Variants in GRM8 observed in about 807,000 individuals in gnomAD.
GRM8 encodes glutamate metabotropic receptor 8.
GRM8 carries 47 observed loss-of-function variants against 87.2 expected under a neutral mutation model. The ratio of observed to expected loss-of-function variants is 0.54; its 90% confidence interval spans 0.43 to 0.69. The LOEUF is 0.69. Among genes scored for constraint, GRM8 ranks in the 30% least tolerant of loss-of-function variants. The pLI is 0.00. For synonymous variants in GRM8, 396 were observed against 404.5 expected (o/e 0.98, Z 0.25); for missense variants, 1,019 against 1,139.2 (o/e 0.89, Z 1.52).
At chr7:126,456,040 G>A (rs1052135541) in intron 9 of GRM8, among the ~76,000 whole-genome samples, 1 of 151,426 alleles carries the variant, frequency 6.6e-6, no homozygotes, top group African/African-American at 2.4e-5. Flanking sequence ...ATTCATATAA[G>A]CTAACATTTT....
chr7:126,851,040 T>C (rs963071098), intron 6 of GRM8, among the ~76,000 whole-genome samples: 2 of 152,180 alleles, frequency 1.3e-5, no homozygotes, highest in African/African-American at 4.8e-5. Context: ...AGGCTTTTCA[T>C]ACTGAACATA....
At chr7:126,746,158 T>C (rs771727000) in intron 7 of GRM8, among the ~76,000 whole-genome samples, 3 of 151,790 alleles carry the variant, frequency 2.0e-5, no homozygotes, top group Admixed American at 6.6e-5. Context: ...ATTTAGAAGA[T>C]TCATATGTAT....
At chr7:127,173,286 T>A (rs1463283746) in intron 2 of GRM8, among the ~76,000 whole-genome samples, 1 of 152,090 alleles carries the variant, frequency 6.6e-6, no homozygotes, top group Non-Finnish European at 1.5e-5. Flanking sequence ...TAGCTATTGG[T>A]TATTGGGAAG....
intron 2 of GRM8, among the ~76,000 whole-genome samples, chr7:127,178,621 A>G (rs1473344918): frequency 1.3e-5 from 2 of 152,222 alleles, no homozygotes; most frequent in Non-Finnish European, 1.5e-5. Flanking sequence ...GGTAACCTGT[A>G]AAGAAAAACC....
chr7:127,174,806 C>T (rs561442071), intron 2 of GRM8, among the ~76,000 whole-genome samples: 18 of 152,264 alleles, frequency 1.2e-4, no homozygotes, highest in African/African-American at 4.3e-4. Flanking sequence ...AAGTATCTTA[C>T]CAGTAATCAC....
intron 2 of GRM8, among the ~76,000 whole-genome samples, chr7:127,236,037 TG>T (rs1395205282): frequency 1.3e-5 from 2 of 152,250 alleles, no homozygotes; most frequent in African/African-American, 4.8e-5. Context: ...ACTTTATTTT[TG>T]ATTGACAATT....
intron 3 of GRM8, among the ~76,000 whole-genome samples, chr7:127,021,471 C>A (rs1404609671): frequency 6.6e-6 from 1 of 151,898 alleles, no homozygotes; most frequent in Non-Finnish European, 1.5e-5. Context: ...TAATTTCCAG[C>A]AATTTAACTA....
intron 3 of GRM8, among the ~76,000 whole-genome samples, chr7:126,971,171 A>C (rs1351217880): frequency 6.6e-6 from 1 of 151,002 alleles, no homozygotes; most frequent in African/African-American, 2.4e-5. Context: ...AAAAAAAAAA[A>C]AAAAAAAAAA....
chr7:127,116,232 T>G (rs996755907), intron 2 of GRM8, among the ~76,000 whole-genome samples: 2 of 152,254 alleles, frequency 1.3e-5, no homozygotes, highest in African/African-American at 4.8e-5. Context: ...TTTATTTAAA[T>G]TTCCATATAT....
chr7:127,082,130 C>T (rs1314186429), intron 3 of GRM8: 2 of 152,204 alleles, frequency 1.3e-5, no homozygotes, highest in Non-Finnish European at 2.9e-5. Context: ...CAAACTATAC[C>T]GCTCTTTGCC....
chr7:127,146,530 G>C (rs1828565544), intron 2 of GRM8, among the ~76,000 whole-genome samples: 1 of 152,054 alleles, frequency 6.6e-6, no homozygotes, highest in Non-Finnish European at 1.5e-5. Context: ...AAAACTCAGA[G>C]ACAACAAATT....
At chr7:126,765,852 T>C (rs1221766387) in intron 7 of GRM8, among the ~76,000 whole-genome samples, 2 of 152,110 alleles carry the variant, frequency 1.3e-5, no homozygotes, top group East Asian at 1.9e-4. Context: ...TACACTGTGA[T>C]TCAGAATGTG....
intron 8 of GRM8, among the ~76,000 whole-genome samples, chr7:126,561,957 T>C (rs1207484030): frequency 6.6e-6 from 1 of 152,078 alleles, no homozygotes; most frequent in Non-Finnish European, 1.5e-5. Flanking sequence ...CTGGAAACCA[T>C]TTTATTTATT....
chr7:126,908,000 T>C (rs1464814589), intron 3 of GRM8, among the ~76,000 whole-genome samples: 3 of 152,328 alleles, frequency 2.0e-5, no homozygotes, highest in Middle Eastern at 6.8e-3. Flanking sequence ...TGACCAGTTA[T>C]GTGATGGTAT....
chr7:126,944,121 G>C (rs895606300), intron 3 of GRM8, among the ~76,000 whole-genome samples: 1 of 152,164 alleles, frequency 6.6e-6, no homozygotes, highest in Non-Finnish European at 1.5e-5. Flanking sequence ...CAGATGTTAA[G>C]CCTGTCCAGA....
chr7:126,899,368 C>G (rs1169278351), intron 6 of GRM8, among the ~76,000 whole-genome samples: 1 of 152,076 alleles, frequency 6.6e-6, no homozygotes, highest in Non-Finnish European at 1.5e-5. Flanking sequence ...GAAGCTGGAC[C>G]TTTTTACTGC....
chr7:126,811,147 C>T (rs1369390415), intron 6 of GRM8, among the ~76,000 whole-genome samples: 1 of 152,000 alleles, frequency 6.6e-6, no homozygotes, highest in Non-Finnish European at 1.5e-5. Context: ...AATGTATGTT[C>T]TTGTAGACTT....
intron 3 of GRM8, among the ~76,000 whole-genome samples, chr7:127,093,082 C>A (rs1169005617): frequency 6.6e-6 from 1 of 152,178 alleles, no homozygotes; most frequent in Non-Finnish European, 1.5e-5. Flanking sequence ...CCAGAACACC[C>A]AAGGGGTCAA....
chr7:127,105,940 G>C (rs1185701815), intron 3 of GRM8, among the ~76,000 whole-genome samples: 2 of 152,004 alleles, frequency 1.3e-5, no homozygotes, highest in African/African-American at 4.8e-5. Context: ...GCACCTTGTT[G>C]TAAACAAGTT....
Sources: gnomAD v4.1 joint callset for allele counts (sites outside exome capture counted in the v4.1 genomes callset) on GRCh38, gnomAD v4.1.1 for gene constraint, MANE v1.5 for transcripts, NCBI Gene and HGNC (gene_info 2026-07-23, HGNC 2026-07-21) for gene names.